Variants in UMAD1 observed in about 807,000 individuals in gnomAD.
UMAD1 encodes the protein UBAP1-MVB12-associated (UMA) domain containing 1, also known as UBAP1-MVB12-associated (UMA)-domain containing protein 1.
In UMAD1, 8 loss-of-function variants were observed where a neutral mutation model predicts 6.1. The ratio of observed to expected loss-of-function variants is 1.30; its 90% confidence interval spans 0.76 to 2.35. UMAD1 has a LOEUF of 2.35. Among genes scored for constraint, UMAD1 ranks in the 30% most tolerant of loss-of-function variants. UMAD1 has a pLI of 0.00. For missense variants in UMAD1, 130 were observed against 78.4 expected (o/e 1.66, Z -2.49); for synonymous variants, 56 against 31.4 (o/e 1.78, Z -2.61).
At chr7:7,860,993 A>T (rs1304684252) in intron 3 of UMAD1, among the ~76,000 whole-genome samples, 1 of 152,186 alleles carries the variant, frequency 6.6e-6, no homozygotes, top group South Asian at 2.1e-4. Flanking sequence ...TAAAATGACC[A>T]GACACAAAAG....
At chr7:7,708,937 G>A (rs1780678308) in intron 2 of UMAD1, among the ~76,000 whole-genome samples, 1 of 151,968 alleles carries the variant, frequency 6.6e-6, no homozygotes, top group African/African-American at 2.4e-5. Context: ...CTGTGTGTGT[G>A]TGAGAGAGAG....
chr7:7,723,725 G>T (rs1781090726), intron 2 of UMAD1, among the ~76,000 whole-genome samples: 2 of 152,156 alleles, frequency 1.3e-5, no homozygotes, highest in Admixed American at 1.3e-4. Context: ...GGAATAACTG[G>T]ATCCTGAGGT....
intron 2 of UMAD1, among the ~76,000 whole-genome samples, chr7:7,785,911 C>T (rs549524762): frequency 6.6e-6 from 1 of 152,334 alleles, no homozygotes; most frequent in South Asian, 2.1e-4. Context: ...ATATATTTAT[C>T]TGTGTACCTA....
intron 1 of UMAD1, among the ~76,000 whole-genome samples, chr7:7,655,260 C>T (rs989690606): frequency 2.0e-5 from 3 of 152,124 alleles, no homozygotes; most frequent in Non-Finnish European, 4.4e-5. Context: ...CCCCAGTACT[C>T]TTTTCACCTA....
chr7:7,652,017 C>T (rs1342453536), intron 1 of UMAD1, among the ~76,000 whole-genome samples: 1 of 152,114 alleles, frequency 6.6e-6, no homozygotes, highest in Non-Finnish European at 1.5e-5. Flanking sequence ...AAGATCTTGT[C>T]AGGGAGGGGT....
chr7:7,841,418 T>G (rs931341766), intron 3 of UMAD1, among the ~76,000 whole-genome samples: 12 of 150,284 alleles, frequency 8.0e-5, no homozygotes, highest in African/African-American at 2.9e-4. Flanking sequence ...TCCTCCCACC[T>G]CAGCCTCCCA....
intron 3 of UMAD1, among the ~76,000 whole-genome samples, chr7:7,869,510 TA>T (rs1784298554): frequency 6.6e-6 from 1 of 152,232 alleles, no homozygotes; most frequent in African/African-American, 2.4e-5. Flanking sequence ...GTTCTTTTAA[TA>T]GGTTCTATTG....
intron 3 of UMAD1, among the ~76,000 whole-genome samples, chr7:7,876,924 T>TA (rs1784429277): frequency 6.6e-6 from 1 of 152,212 alleles, no homozygotes; most frequent in Non-Finnish European, 1.5e-5. Context: ...ACTCCATTGA[T>TA]ACAAGATTTT....
At chr7:7,714,093 G>T (rs28912684) in intron 2 of UMAD1, among the ~76,000 whole-genome samples, 1 of 152,276 alleles carries the variant, frequency 6.6e-6, no homozygotes, top group South Asian at 2.1e-4. Context: ...TTATCTTTTT[G>T]ATGAAGATTT....
At chr7:7,786,830 C>A (rs184661987) in intron 2 of UMAD1, among the ~76,000 whole-genome samples, 2 of 152,052 alleles carry the variant, frequency 1.3e-5, no homozygotes, top group Admixed American at 6.6e-5. Context: ...GGAAGGTTTG[C>A]CTCACTTTAA....
rs536051759 is a variant in UMAD1, at chr7:7,683,947, T to A, written c.82+10494T>A. Among the ~76,000 whole-genome samples the A allele has an allele frequency of 1.5e-3, 229 of 152,290 alleles. 6 individuals carry two copies. Among genetic ancestry groups the A allele is most frequent in the Admixed American group, 0.012 (177 of 15,304 alleles). The stretch of plus-strand genomic sequence containing the variant: ...CAAAATTCATTTTCTATGAGTAATA[T>A]ACAGTTTTCCCTTGGTATCTGTGGG... On this transcript the variant is annotated intron_variant, in intron 2 of 3. Transcript: ENST00000682710.
intron 2 of UMAD1, among the ~76,000 whole-genome samples, chr7:7,737,755 G>T (rs1020155874): frequency 6.6e-6 from 1 of 152,136 alleles, no homozygotes; most frequent in Non-Finnish European, 1.5e-5. Context: ...GCTAAATTTG[G>T]TCTCCTTGAA....
intron 1 of UMAD1, among the ~76,000 whole-genome samples, chr7:7,666,747 C>G (rs1583711318): frequency 6.6e-6 from 1 of 151,968 alleles, no homozygotes; most frequent in Admixed American, 6.6e-5. Context: ...CATTATTTAT[C>G]AAATATGTGA....
At chr7:7,875,224 C>T (rs1244005661) in intron 3 of UMAD1, among the ~76,000 whole-genome samples, 1 of 152,048 alleles carries the variant, frequency 6.6e-6, no homozygotes, top group East Asian at 1.9e-4. Flanking sequence ...ACTAAATGCC[C>T]ACGGGAGAAA....
chr7:7,734,530 A>G (rs1781313044), intron 2 of UMAD1, among the ~76,000 whole-genome samples: 1 of 152,114 alleles, frequency 6.6e-6, no homozygotes, highest in Admixed American at 6.5e-5. Context: ...TTCAGTGTTC[A>G]CCCAAGTAAA....
chr7:7,861,126 TG>T (rs559658682), intron 3 of UMAD1, among the ~76,000 whole-genome samples: 22 of 152,324 alleles, frequency 1.4e-4, no homozygotes, highest in African/African-American at 5.3e-4. Context: ...AGTTGTTTAA[TG>T]GGTATAGAGT....
chr7:7,849,355 A>T (rs561329746), intron 3 of UMAD1, among the ~76,000 whole-genome samples: 1 of 152,314 alleles, frequency 6.6e-6, no homozygotes, highest in East Asian at 1.9e-4. Context: ...GGTCACACAA[A>T]TGGGGAGCTG....
chr7:7,741,909 A>G (rs1781476362), intron 2 of UMAD1: 1 of 195,250 alleles, frequency 5.1e-6, no homozygotes, highest in Non-Finnish European at 1.0e-5. Context: ...AACAAAAAAT[A>G]TTTTTATTTT....
chr7:7,764,535 A>G (rs1781950249), intron 2 of UMAD1, among the ~76,000 whole-genome samples: 1 of 152,184 alleles, frequency 6.6e-6, no homozygotes, highest in African/African-American at 2.4e-5. Flanking sequence ...GCAGTTCTCA[A>G]TACCTAGGCC....
Sources: allele counts gnomAD v4.1 joint callset (sites outside exome capture counted in the v4.1 genomes callset), GRCh38; gene constraint gnomAD v4.1.1; transcripts MANE v1.5; gene names NCBI Gene and HGNC (gene_info 2026-07-23, HGNC 2026-07-21).